The following ENPP6 variants were observed in gnomAD, a reference collection of about 807,000 sequenced individuals.
ENPP6 encodes ectonucleotide pyrophosphatase/phosphodiesterase 6, also known as glycerophosphocholine cholinephosphodiesterase ENPP6.
A neutral mutation model predicts 42.0 loss-of-function variants in ENPP6; 32 were observed. The ratio of observed to expected loss-of-function variants is 0.76; its 90% CI spans 0.58 to 1.02. The LOEUF is 1.02. Among genes scored for constraint, ENPP6 ranks in the 50% least tolerant of loss-of-function variants. The probability of loss-of-function intolerance (pLI) is 0.00; values close to 1 mark genes in which losing one functional copy is unlikely to be tolerated. For synonymous variants in ENPP6, 213 were observed against 216.0 expected, an observed-to-expected ratio of 0.99 and a Z score of 0.12; for missense variants, 552 against 566.8, an observed-to-expected ratio of 0.97 and a Z score of 0.27.
chr4:184,137,417 T>G (rs1437880054), intron 2 of ENPP6, among the ~76,000 whole-genome samples: 1 of 152,220 alleles, frequency 6.6e-6, no homozygotes, highest in East Asian at 1.9e-4. Flanking sequence ...TTGGGTCTAT[T>G]CTGCTTTTTT....
chr4:184,100,203 C>CTG (rs938018203), intron 6 of ENPP6, among the ~76,000 whole-genome samples: 2 of 152,238 alleles, frequency 1.3e-5, no homozygotes, highest in Admixed American at 1.3e-4. Context: ...GCACAGGTAA[C>CTG]TGTGTGGTGT....
intron 5 of ENPP6, among the ~76,000 whole-genome samples, chr4:184,113,957 T>C (rs11736114): frequency 2.9e-5 from 4 of 136,480 alleles, no homozygotes; most frequent in East Asian, 2.1e-4. Context: ...CTTTCTTTCT[T>C]TCTTTCTCTC....
chr4:184,098,868 A>T (rs2111330275), intron 6 of ENPP6, among the ~76,000 whole-genome samples: 1 of 152,320 alleles, frequency 6.6e-6, no homozygotes, highest in South Asian at 2.1e-4. Context: ...ACAAATATTT[A>T]CTATTTCAAA....
intron 1 of ENPP6, among the ~76,000 whole-genome samples, chr4:184,162,943 C>T (rs1444162048): frequency 3.3e-5 from 5 of 152,122 alleles, no homozygotes; most frequent in Admixed American, 6.5e-5. Context: ...CCACCCACTC[C>T]GCTCCCCGAG....
intron 1 of ENPP6, among the ~76,000 whole-genome samples, chr4:184,165,183 A>G (rs1279319335): frequency 6.6e-6 from 1 of 152,152 alleles, no homozygotes; most frequent in Admixed American, 6.5e-5. Flanking sequence ...CTGGACACTT[A>G]CTGATCAGTT....
rs761947229 is a variant in ENPP6 at position 184,153,645 on chromosome 4, G to A, written c.330C>T (p.Asp110=). Reference sequence around the variant, plus strand: ...CATTCCACCAGAGAGGCATTAGGCTGTCTTTGTTGACGCCAATGTCAAAGG... The same window carrying A: ...CATTCCACCAGAGAGGCATTAGGCTATCTTTGTTGACGCCAATGTCAAAGG... ...NKSFDIGVNK[D]SLMPLWWNGS... is the part of the protein sequence containing the mutation. Residue 110 remains aspartate, a synonymous_variant, in exon 2 of 8, where the codon GAC becomes GAT. Transcript: ENST00000296741. 6.2e-7 allele frequency: 1 copy of A among 1,614,100 alleles called. No homozygotes were observed. The highest frequency in any genetic ancestry group is 8.5e-7 in the Non-Finnish European group (1 of 1,180,050).
chr4:184,102,301 G>T (rs1404190013), intron 6 of ENPP6, among the ~76,000 whole-genome samples: 4 of 152,174 alleles, frequency 2.6e-5, no homozygotes, highest in Non-Finnish European at 5.9e-5. Context: ...GGGAGTGAAG[G>T]TGCAGGCAGA....
chr4:184,168,785 C>T (rs563855331), intron 1 of ENPP6, among the ~76,000 whole-genome samples: 46 of 152,158 alleles, frequency 3.0e-4, no homozygotes, highest in Non-Finnish European at 6.5e-4. Context: ...AGGCAGAGCC[C>T]GGGCAGGGCC....
intron 1 of ENPP6, among the ~76,000 whole-genome samples, chr4:184,194,897 C>T (rs11929900): frequency 0.048 from 7,229 of 152,154 alleles, 534 homozygotes; most frequent in African/African-American, 0.16. Flanking sequence ...GCCCCAACTC[C>T]GTGGGACTGC....
chr4:184,092,251 A>G (rs1579602620), intron 7 of ENPP6, among the ~76,000 whole-genome samples: 1 of 152,184 alleles, frequency 6.6e-6, no homozygotes, highest in Non-Finnish European at 1.5e-5. Flanking sequence ...TCGCTAGCTC[A>G]GCAGCCATGG....
intron 1 of ENPP6, among the ~76,000 whole-genome samples, chr4:184,189,464 G>A (rs868818424): frequency 7.2e-5 from 11 of 152,152 alleles, no homozygotes; most frequent in South Asian, 2.1e-4. Flanking sequence ...CTAAATTCAC[G>A]CTTTAAAAAG....
intron 6 of ENPP6, among the ~76,000 whole-genome samples, chr4:184,098,532 C>T (rs1245980080): frequency 6.6e-6 from 1 of 152,200 alleles, no homozygotes; most frequent in African/African-American, 2.4e-5. Flanking sequence ...AGCCTCCTCT[C>T]CTCCGTTAAT....
chr4:184,126,679 T>C (rs141097592), intron 2 of ENPP6, among the ~76,000 whole-genome samples: 5 of 152,182 alleles, frequency 3.3e-5, no homozygotes, highest in African/African-American at 1.2e-4. Context: ...ACCCAAGAAG[T>C]TGGCAGCATG....
chr4:184,097,895 G>C (rs573654464), intron 6 of ENPP6, among the ~76,000 whole-genome samples: 2 of 150,534 alleles, frequency 1.3e-5, no homozygotes, highest in African/African-American at 2.5e-5. Context: ...GAACCAGACC[G>C]GGGGAGGGAA....
At chr4:184,134,182 T>C (rs574283156) in intron 2 of ENPP6, among the ~76,000 whole-genome samples, 17 of 134,082 alleles carry the variant, frequency 1.3e-4, no homozygotes, top group Non-Finnish European at 2.6e-4. Context: ...TCACACTATG[T>C]TGGCCAGGCC....
chr4:184,099,627 G>T (rs1428424270), intron 6 of ENPP6, among the ~76,000 whole-genome samples: 1 of 152,188 alleles, frequency 6.6e-6, no homozygotes, highest in African/African-American at 2.4e-5. Context: ...ACAGCCATCT[G>T]CTCTCACCCC....
chr4:184,154,506 C>T (rs1185486550), intron 1 of ENPP6, among the ~76,000 whole-genome samples: 1 of 152,168 alleles, frequency 6.6e-6, no homozygotes, highest in Admixed American at 6.5e-5. Context: ...TCATTTGGCA[C>T]CAGGACGAAA....
intron 2 of ENPP6, among the ~76,000 whole-genome samples, chr4:184,125,296 T>TG (rs1229758064): frequency 6.6e-6 from 1 of 152,132 alleles, no homozygotes; most frequent in African/African-American, 2.4e-5. Context: ...GGGATGCAGG[T>TG]GGGCTGGGAG....
At chr4:184,172,163 C>T (rs958695789) in intron 1 of ENPP6, among the ~76,000 whole-genome samples, 1 of 151,838 alleles carries the variant, frequency 6.6e-6, no homozygotes, top group Non-Finnish European at 1.5e-5. Flanking sequence ...GAGCTGGTGT[C>T]GCAGAAAAAG....
Sources: allele counts gnomAD v4.1 joint callset (sites outside exome capture counted in the v4.1 genomes callset), GRCh38; gene constraint gnomAD v4.1.1; transcripts MANE v1.5; gene names NCBI Gene and HGNC (gene_info 2026-07-23, HGNC 2026-07-21).